Variants in SUOX observed in about 807,000 individuals in gnomAD.
SUOX encodes the protein sulfite oxidase, mitochondrial.
In SUOX, 39 loss-of-function variants were observed where a neutral mutation model predicts 41.9. That is an observed-to-expected ratio of 0.93 (90% CI 0.72 to 1.21). The LOEUF (loss-of-function observed/expected upper bound fraction) is 1.21, where lower values mean the gene tolerates loss of function less well. SUOX is among the 50% of genes most tolerant of loss of function. SUOX has a pLI of 0.00. For synonymous variants in SUOX, 220 were observed against 268.4 expected, an observed-to-expected ratio of 0.82 and a Z score of 1.76; for missense variants, 633 against 689.5, an observed-to-expected ratio of 0.92 and a Z score of 0.92.
chr12:55,999,932 C>T (rs775094844), intron 2 of SUOX, among the ~76,000 whole-genome samples: 1 of 152,162 alleles, frequency 6.6e-6, no homozygotes, highest in African/African-American at 2.4e-5. Flanking sequence ...TTCTCCAAGG[C>T]CCCACCAGAG....
rs563511318 is a variant in SUOX, at chr12:56,002,827, G to A, written c.228+107G>A. The A allele has an allele frequency of 7.3e-6, 10 of 1,371,362 alleles. No individual in the cohort carries two copies. In the African/African-American group the frequency reaches 8.6e-5, roughly 12 times the overall value. The allele number at this position is 1,371,362 out of a possible 1,614,324, so 84.9% of individuals were successfully genotyped here. ...AGGTGGGTGGGTCACTTGAGGTTAGGAGTTTGAGACCAGCCTGGGCAACAT... is the reference window on the plus strand; with the variant it reads ...AGGTGGGTGGGTCACTTGAGGTTAGAAGTTTGAGACCAGCCTGGGCAACAT... On this transcript the variant is annotated intron_variant, in intron 4 of 4. Transcript: ENST00000266971.
rs905725782 is a variant in SUOX at position 56,004,623 on chromosome 12, G to C, written c.1234G>C (p.Val412Leu). Residue 412 changes from valine to leucine, a missense_variant, in exon 5 of 5, where the codon GTA (valine) becomes CTA (leucine). Transcript: ENST00000266971. The surrounding 1 kb of genome is among the most constrained non-coding windows in gnomAD (Gnocchi z 4.5). Reference protein sequence around the residue: ...GFSPSVDWETVDFDSAPSIQE... With the variant: ...GFSPSVDWETLDFDSAPSIQE... ...CTCTCCATCTGTGGACTGGGAGACT[G>C]TAGATTTTGACTCTGCTCCATCCAT... 1 of 1,614,216 alleles carries C rather than the reference G, an allele frequency of 6.2e-7. No homozygotes were observed. Among genetic ancestry groups the C allele is most frequent in the Non-Finnish European group, 8.5e-7 (1 of 1,180,040 alleles).
rs1230409737 is a variant in SUOX, at chr12:56,004,938, G to A, written c.1549G>A (p.Val517Met). ...VCKAVDDGYN[V>M]QPDTVAPIWN... Reference sequence around the variant, plus strand: ...TAAGGCTGTGGATGATGGTTACAATGTGCAGCCAGACACCGTGGCCCCAAT... The same window carrying A: ...TAAGGCTGTGGATGATGGTTACAATATGCAGCCAGACACCGTGGCCCCAAT... Residue 517 changes from valine (V) to methionine (M), a missense_variant, in exon 5 of 5, where the codon GTG becomes ATG. By Grantham distance (21) the Val-to-Met change is conservative. Transcript: ENST00000266971. This position sits in a 1 kb window ranked among gnomAD's most constrained non-coding sequence, Gnocchi z 4.5. 1 of 1,614,202 alleles carries A rather than the reference G, an allele frequency of 6.2e-7. No homozygotes were observed. The highest frequency in any genetic ancestry group is 8.5e-7 in the Non-Finnish European group (1 of 1,180,038).
intron 2 of SUOX, chr12:56,001,975 C>G: frequency 7.2e-7 from 1 of 1,387,798 alleles, no homozygotes; most frequent in Non-Finnish European, 9.4e-7. Context: ...AAGCACCCAT[C>G]CCTCCTACCC....
In SUOX at chr12:56,004,414, C is replaced by T. The variant is rs1302358026; in HGVS notation, c.1025C>T (p.Pro342Leu). The change falls in exon 5 of 5, where the codon CCT becomes CTT. Residue 342 changes from proline to leucine, a missense_variant. Pro to Leu is a moderately conservative substitution (Grantham distance 98, BLOSUM62 -3). Transcript: ENST00000266971. The surrounding 1 kb of genome is among the most constrained non-coding windows in gnomAD (Gnocchi z 4.5). ...ATCCCTCTGGCTCGGGCCATGGACC[C>T]TGAAGCTGAGGTCCTGCTGGCATAT... The part of the protein sequence containing the change: ...ASIPLARAMD[P>L]EAEVLLAYEM... 2 of 1,614,006 alleles carry T rather than the reference C, an allele frequency of 1.2e-6. No homozygotes were observed. Among genetic ancestry groups the T allele is most frequent in the Non-Finnish European group, 1.7e-6 (2 of 1,179,922 alleles).
At chr12:56,001,905 G>A (rs7963590) in intron 2 of SUOX, 95,168 of 1,255,350 alleles carry the variant, frequency 0.076, 3,838 homozygotes, top group Non-Finnish European at 0.081. Flanking sequence ...CCCAGGCATC[G>A]TTCTCTATGG....
rs754363036 is a variant in SUOX, at chr12:56,003,939, C to T, written c.550C>T (p.Pro184Ser). ...DPYADDPVRH[P>S]ALKVNSQRPF... ...TTATGCTGATGATCCTGTACGTCAC[C>T]CAGCCCTGAAGGTCAACAGCCAGCG... The change falls in exon 5 of 5, where the codon CCA becomes TCA. Residue 184 changes from proline (P) to serine (S), a missense_variant. Coordinates refer to ENST00000266971, the MANE Select transcript of SUOX (RefSeq NM_001032386.2). 6.2e-7 allele frequency: 1 copy of T among 1,614,110 alleles called. No homozygotes were observed. The highest frequency in any genetic ancestry group is 1.1e-5 in the South Asian group (1 of 91,084).
rs553699159 is a variant in SUOX, at chr12:56,004,671, G to A, written c.1282G>A (p.Ala428Thr). 1.6e-4 allele frequency: 255 copies of A among 1,613,832 alleles called. 1 individual carries two copies. Among genetic ancestry groups the A allele is most frequent in the Non-Finnish European group, 2.1e-4 (247 of 1,179,754 alleles). ...PSIQELPVQS[A>T]ITEPRDGETV... is the part of the protein sequence containing the mutation. ...CATTCAGGAACTTCCTGTCCAGTCG[G>A]CCATCACAGAGCCCCGGGATGGAGA... The change falls in exon 5 of 5, where the codon GCC becomes ACC. Residue 428 changes from alanine (A) to threonine (T), a missense_variant. Physicochemically the swap from Ala to Thr is moderately conservative, Grantham distance 58 (BLOSUM62 0). Transcript: ENST00000266971. This position sits in a 1 kb window ranked among gnomAD's most constrained non-coding sequence, Gnocchi z 4.5.
At chr12:55,998,253 T>C (rs1207146978) in intron 2 of SUOX, among the ~76,000 whole-genome samples, 1 of 152,056 alleles carries the variant, frequency 6.6e-6, no homozygotes, top group African/African-American at 2.4e-5. Context: ...TACAATAAGA[T>C]ATTTTGAGGC....
intron 4 of SUOX, 53 bp from the exon 5 acceptor site, chr12:56,003,565 G>T: frequency 6.3e-7 from 1 of 1,578,508 alleles, no homozygotes; most frequent in South Asian, 1.1e-5. Flanking sequence ...CCGACCAAGT[G>T]ATTTCTTCTT....
chr12:56,001,942 G>C, intron 2 of SUOX: 1 of 1,332,534 alleles, frequency 7.5e-7, no homozygotes, highest in Non-Finnish European at 9.7e-7. Context: ...TGGAAGATGG[G>C]AGAAAGGTGA....
chr12:55,999,147 T>G (rs1039951528), intron 2 of SUOX, among the ~76,000 whole-genome samples: 10 of 152,054 alleles, frequency 6.6e-5, no homozygotes, highest in African/African-American at 2.4e-4. Context: ...GAGACCACAT[T>G]CATATAACTT....
At chr12:56,000,556 C>T (rs1034977874) in intron 2 of SUOX, among the ~76,000 whole-genome samples, 1 of 151,734 alleles carries the variant, frequency 6.6e-6, no homozygotes, top group Non-Finnish European at 1.5e-5. Flanking sequence ...CTGAGGGAGC[C>T]GACTCTGGCC....
Position 56,002,245 on chromosome 12 carries a change from G to C in SUOX, c.24G>C (p.Val8=), listed in dbSNP as rs779079524. ...CAATGCTGCTGCTGCACAGAGCTGTGGTCCTCAGGCTCCAACAGGCCTGCA... is the reference window on the plus strand; with the variant it reads ...CAATGCTGCTGCTGCACAGAGCTGTCGTCCTCAGGCTCCAACAGGCCTGCA... The part of the protein sequence containing the change: MLLLHRA[V]VLRLQQACRL... The change falls in exon 3 of 5, where the codon GTG becomes GTC. Residue 8 remains valine (V), a synonymous_variant. Transcript: ENST00000266971. The C allele has an allele frequency of 6.2e-7, 1 of 1,612,744 alleles. No individual in the cohort carries two copies. The highest frequency in any genetic ancestry group is 2.2e-5 in the East Asian group (1 of 44,894).
intron 2 of SUOX, 134 bp from the exon 3 acceptor site, chr12:56,002,078 C>T (rs1592825707): frequency 6.8e-7 from 1 of 1,478,708 alleles, no homozygotes; most frequent in Non-Finnish European, 9.2e-7. Context: ...GACTCCCACT[C>T]TCAAGACTCC....
chr12:56,002,009 C>T (rs990233029), intron 2 of SUOX: 12 of 1,443,942 alleles, frequency 8.3e-6, no homozygotes, highest in Admixed American at 2.4e-5. Flanking sequence ...CATTACCTGC[C>T]ATCCTGTCAG....
At chr12:56,002,362 TGAGA>T (rs1410873112) in intron 3 of SUOX, 91 bp downstream of exon 3, 2 of 1,519,620 alleles carry the variant, frequency 1.3e-6, no homozygotes, top group South Asian at 2.3e-5. Flanking sequence ...ATAAGACAGT[TGAGA>T]GAGTGTGTCC....
At position 56,003,637 on chromosome 12, in the gene SUOX, A is replaced by C. The variant is rs966343025; in HGVS notation, c.248A>C (p.His83Pro). 1.7e-5 allele frequency: 27 copies of C among 1,614,010 alleles called. No homozygotes were observed. Among genetic ancestry groups the C allele is most frequent in the Non-Finnish European group, 2.2e-5 (26 of 1,180,032 alleles). ...CAATAGGCTGCTCAGGAGTCAACACACATATACACTAAGGAGGAAGTGAGT... is the reference window on the plus strand; with the variant it reads ...CAATAGGCTGCTCAGGAGTCAACACCCATATACACTAAGGAGGAAGTGAGT... ...HRCRAAQEST[H>P]IYTKEEVSSH... is the part of the protein sequence containing the mutation. Residue 83 changes from histidine (H) to proline (P), a missense_variant, in exon 5 of 5, where the codon CAC becomes CCC. Transcript: ENST00000266971.
chr12:56,000,670 C>G (rs372404193), intron 2 of SUOX, among the ~76,000 whole-genome samples: 1 of 152,254 alleles, frequency 6.6e-6, no homozygotes. Flanking sequence ...CGAGAGTGAG[C>G]AAGGGCTGTG....
Sources: gnomAD v4.1 joint callset for allele counts (sites outside exome capture counted in the v4.1 genomes callset) on GRCh38, gnomAD v4.1.1 for gene constraint, Gnocchi (gnomAD v3.1) non-coding constraint, MANE v1.5 for transcripts, NCBI Gene and HGNC (gene_info 2026-07-23, HGNC 2026-07-21) for gene names.